The following SLIT2 variants were observed in gnomAD, a reference collection of about 807,000 sequenced individuals.
The protein encoded by SLIT2 is slit guidance ligand 2.
SLIT2 carries 41 observed loss-of-function variants against 185.7 expected under a neutral mutation model. That is an observed-to-expected ratio of 0.22 (90% CI 0.17 to 0.29). The LOEUF is 0.29. Ranked by LOEUF, SLIT2 falls within the 10% of genes least tolerant of loss-of-function variation. SLIT2 has a pLI of 1.00. For synonymous variants in SLIT2, 693 were observed against 680.2 expected (o/e 1.02, Z -0.29); for missense variants, 1,571 against 1,909.0 (o/e 0.82, Z 3.30).
intron 4 of SLIT2, among the ~76,000 whole-genome samples, chr4:20,359,945 A>G (rs1722610531): frequency 6.6e-6 from 1 of 152,124 alleles, no homozygotes; most frequent in South Asian, 2.1e-4. Context: ...ATTTTAGAGA[A>G]GATGTGAAGA....
intron 34 of SLIT2, among the ~76,000 whole-genome samples, chr4:20,611,810 A>G (rs1243663899): frequency 6.6e-6 from 1 of 152,208 alleles, no homozygotes; most frequent in Non-Finnish European, 1.5e-5. Flanking sequence ...TAGTCCCTGA[A>G]GAGCAATCTC....
At chr4:20,590,323 TA>T (rs1349382604) in intron 30 of SLIT2, among the ~76,000 whole-genome samples, 7 of 152,208 alleles carry the variant, frequency 4.6e-5, no homozygotes, top group Non-Finnish European at 1.0e-4. Context: ...TACTTAAATT[TA>T]TTTGAAGGCC....
intron 4 of SLIT2, among the ~76,000 whole-genome samples, chr4:20,312,113 A>G (rs1277833771): frequency 6.6e-6 from 1 of 152,230 alleles, no homozygotes; most frequent in East Asian, 1.9e-4. Flanking sequence ...TTTTCAGAAC[A>G]GTTTCTCAAG....
At chr4:20,350,578 A>G (rs1196653095) in intron 4 of SLIT2, among the ~76,000 whole-genome samples, 1 of 152,196 alleles carries the variant, frequency 6.6e-6, no homozygotes, top group Non-Finnish European at 1.5e-5. Flanking sequence ...CAGAAAACAA[A>G]TGGATTGAAA....
intron 4 of SLIT2, among the ~76,000 whole-genome samples, chr4:20,368,219 C>CAAAA (rs71653879): frequency 3.7e-5 from 4 of 107,416 alleles, no homozygotes; most frequent in African/African-American, 7.5e-5. Flanking sequence ...CACAAAATAG[C>CAAAA]AAAAAAAAAA....
At position 20,424,613 on chromosome 4, in the gene SLIT2, T is replaced by C. The variant is rs532002010; in HGVS notation, c.396-43139T>C. Among the ~76,000 whole-genome samples, 3 of 152,254 alleles carry C rather than the reference T, an allele frequency of 2.0e-5. No individual in the cohort carries two copies. In the East Asian group the frequency reaches 5.8e-4, roughly 29 times the overall value. ...AATACAGAAATCTAGCATGATTCCA[T>C]AGAAATCTATTTTCTAGTTGAAATT... On this transcript the variant is annotated intron_variant, in intron 4 of 36. Transcript: ENST00000504154.
intron 4 of SLIT2, among the ~76,000 whole-genome samples, chr4:20,298,945 T>C (rs929060893): frequency 6.6e-6 from 1 of 152,200 alleles, no homozygotes; most frequent in African/African-American, 2.4e-5. Context: ...TGTAATTTAT[T>C]GCATTATTTT....
At chr4:20,335,790 T>G (rs1720444658) in intron 4 of SLIT2, among the ~76,000 whole-genome samples, 1 of 152,102 alleles carries the variant, frequency 6.6e-6, no homozygotes, top group East Asian at 1.9e-4. Context: ...AGAGAAATAT[T>G]ACTGTCTAAG....
intron 4 of SLIT2, among the ~76,000 whole-genome samples, chr4:20,448,465 C>A (rs1452570046): frequency 6.6e-6 from 1 of 151,924 alleles, no homozygotes; most frequent in Non-Finnish European, 1.5e-5. Context: ...GGATTACCAA[C>A]ATGAGCAACT....
intron 4 of SLIT2, among the ~76,000 whole-genome samples, chr4:20,300,604 GCACACA>G (rs3046031): frequency 6.6e-6 from 1 of 151,090 alleles, no homozygotes; most frequent in Non-Finnish European, 1.5e-5. Context: ...GTGCAGACAT[GCACACA>G]CACACACACA....
intron 23 of SLIT2, 79 bp downstream of exon 23, chr4:20,548,638 T>A (rs778744451): frequency 3.2e-5 from 27 of 839,502 alleles, no homozygotes; most frequent in Non-Finnish European, 5.5e-5. Context: ...ACATTGCTAT[T>A]GAACAAGACA....
At chr4:20,550,946 A>G in intron 25 of SLIT2, 48 bp downstream of exon 25, 1 of 1,021,308 alleles carries the variant, frequency 9.8e-7, no homozygotes, top group Non-Finnish European at 1.5e-6. Context: ...ACACTTCCTA[A>G]TGAGTGACTT....
intron 30 of SLIT2, among the ~76,000 whole-genome samples, chr4:20,594,268 T>C (rs1317376158): frequency 6.7e-6 from 1 of 150,068 alleles, no homozygotes; most frequent in Non-Finnish European, 1.5e-5. Flanking sequence ...TACACGCATA[T>C]GTATGTGTGT....
intron 4 of SLIT2, among the ~76,000 whole-genome samples, chr4:20,417,325 T>G (rs1299602913): frequency 6.6e-6 from 1 of 151,406 alleles, no homozygotes; most frequent in Non-Finnish European, 1.5e-5. Flanking sequence ...TTCCTACCCC[T>G]CTCTTCCTCT....
intron 4 of SLIT2, among the ~76,000 whole-genome samples, chr4:20,402,736 G>A (rs1472908397): frequency 1.3e-5 from 2 of 151,462 alleles, no homozygotes; most frequent in African/African-American, 2.4e-5. Context: ...AAAATAACGG[G>A]GTAATAAGGT....
In SLIT2 at chr4:20,466,204, G is replaced by A. The variant is rs189373647; in HGVS notation, c.396-1548G>A. ...TTCTCTGAACACTGTTTCTGTCATC[G>A]AGGCTTTTAAATATATATTGTTAAA... On this transcript the variant is annotated intron_variant, in intron 4 of 36. Transcript: ENST00000504154. Among the ~76,000 whole-genome samples, 35 of 151,810 alleles carry A rather than the reference G, an allele frequency of 2.3e-4. No individual in the cohort carries two copies. The East Asian group carries it at 6.2e-3, about 27-fold the overall frequency.
chr4:20,498,908 C>A (rs762361322), intron 9 of SLIT2, among the ~76,000 whole-genome samples: 3 of 152,160 alleles, frequency 2.0e-5, no homozygotes, highest in Non-Finnish European at 2.9e-5. Context: ...ATAATGATTT[C>A]TTTTCCTTTG....
intron 4 of SLIT2, among the ~76,000 whole-genome samples, chr4:20,368,255 GAGAA>G (rs1328383753): frequency 7.8e-6 from 1 of 128,408 alleles, no homozygotes; most frequent in African/African-American, 2.9e-5. Flanking sequence ...AAAGAAAAAA[GAGAA>G]AGAATGGGAA....
At chr4:20,364,918 G>T (rs1722997134) in intron 4 of SLIT2, among the ~76,000 whole-genome samples, 1 of 152,038 alleles carries the variant, frequency 6.6e-6, no homozygotes, top group Non-Finnish European at 1.5e-5. Flanking sequence ...ATGGACTCAT[G>T]ACTGTAGCAT....
Sources: allele counts gnomAD v4.1 joint callset (sites outside exome capture counted in the v4.1 genomes callset), GRCh38; gene constraint gnomAD v4.1.1; transcripts MANE v1.5; gene names NCBI Gene and HGNC (gene_info 2026-07-23, HGNC 2026-07-21).